The following ARHGAP26 variants were observed in gnomAD, a reference collection of about 807,000 sequenced individuals.
The protein encoded by ARHGAP26 is rho GTPase-activating protein 26.
ARHGAP26 carries 38 observed loss-of-function variants against 104.8 expected under a neutral mutation model. That is an observed-to-expected ratio of 0.36 (90% CI 0.28 to 0.48). ARHGAP26 has a LOEUF of 0.48. ARHGAP26 is among the 20% of genes least tolerant of loss of function. The pLI is 0.99. For missense variants in ARHGAP26, 704 were observed against 947.9 expected, an observed-to-expected ratio of 0.74 and a Z score of 3.38; for synonymous variants, 341 against 340.0, an observed-to-expected ratio of 1.00 and a Z score of -0.03.
rs548364563 is a variant in ARHGAP26 at position 143,085,541 on chromosome 5, G to T, written c.1538+27794G>T. Among the ~76,000 whole-genome samples the T allele has an allele frequency of 2.2e-4, 33 of 152,314 alleles. No individual in the cohort carries two copies. The South Asian group carries it at 6.4e-3, about 30-fold the overall frequency. The stretch of plus-strand genomic sequence containing the variant: ...AGGAGAACGCGACAGAGGCAATAAT[G>T]TAACTGCATATGATGATGAATTTTT... On this transcript the variant is annotated intron_variant, in intron 17 of 22. Coordinates refer to ENST00000645722, the MANE Select transcript of ARHGAP26 (RefSeq NM_001135608.3).
intron 17 of ARHGAP26, among the ~76,000 whole-genome samples, chr5:143,079,061 GT>G (rs1369474251): frequency 1.7e-4 from 26 of 152,214 alleles, no homozygotes; most frequent in African/African-American, 5.8e-4. Context: ...CTTATCATGT[GT>G]TTAACTTTTC....
intron 20 of ARHGAP26, among the ~76,000 whole-genome samples, chr5:143,159,019 A>G (rs539946252): frequency 1.3e-5 from 2 of 152,206 alleles, no homozygotes; most frequent in Non-Finnish European, 2.9e-5. Context: ...ATCACAAGAG[A>G]TAGTAGAGTA....
intron 11 of ARHGAP26, among the ~76,000 whole-genome samples, chr5:142,955,415 G>A (rs1288230401): frequency 6.6e-6 from 1 of 152,198 alleles, no homozygotes; most frequent in Non-Finnish European, 1.5e-5. Context: ...AATTCCTGGT[G>A]ATGTGCTGTG....
intron 6 of ARHGAP26, among the ~76,000 whole-genome samples, chr5:142,898,152 G>A (rs1383789204): frequency 7.6e-6 from 1 of 131,720 alleles, no homozygotes; most frequent in Non-Finnish European, 1.5e-5. Context: ...ATATATGTGT[G>A]TATATATATA....
intron 17 of ARHGAP26, among the ~76,000 whole-genome samples, chr5:143,081,095 G>A (rs528972679): frequency 6.6e-6 from 1 of 152,146 alleles, no homozygotes; most frequent in African/African-American, 2.4e-5. Flanking sequence ...TATTGTTGTG[G>A]TGGAGTGGGT....
chr5:142,878,536 T>C (rs1342113172), intron 3 of ARHGAP26, among the ~76,000 whole-genome samples: 1 of 124,990 alleles, frequency 8.0e-6, no homozygotes, highest in Non-Finnish European at 1.5e-5. Context: ...TGTGTGTGTG[T>C]GCACGCATGT....
intron 1 of ARHGAP26, among the ~76,000 whole-genome samples, chr5:142,774,073 A>G (rs1287332697): frequency 6.6e-6 from 1 of 152,222 alleles, no homozygotes; most frequent in Non-Finnish European, 1.5e-5. Flanking sequence ...AGAAAATCCT[A>G]ATGGAACAAA....
intron 11 of ARHGAP26, among the ~76,000 whole-genome samples, chr5:143,013,867 G>A (rs541897900): frequency 3.3e-5 from 5 of 152,136 alleles, no homozygotes; most frequent in African/African-American, 1.2e-4. Context: ...CAATAAAGTT[G>A]CACAGATGAT....
In ARHGAP26 at chr5:143,014,064, T is replaced by A. The variant is rs764573089; in HGVS notation, c.1108-16T>A. 1.9e-6 allele frequency: 3 copies of A among 1,613,990 alleles called. No homozygotes were observed. The South Asian group carries it at 3.3e-5, about 18-fold the overall frequency. On this transcript the variant is annotated splice_polypyrimidine_tract_variant and intron_variant, in intron 11 of 22. Transcript: ENST00000645722. ...CATAAAATGCACATAAGTGAATTTTTATTTTTATTTTCCAGGTCTACAACT... is the reference window on the plus strand; with the variant it reads ...CATAAAATGCACATAAGTGAATTTTAATTTTTATTTTCCAGGTCTACAACT...
intron 1 of ARHGAP26, among the ~76,000 whole-genome samples, chr5:142,836,098 A>G (rs560002554): frequency 6.6e-6 from 1 of 152,256 alleles, no homozygotes; most frequent in East Asian, 1.9e-4. Flanking sequence ...TGGTGTCTGG[A>G]TTCTTGGAGA....
At chr5:142,869,200 T>A (rs1359504422) in intron 1 of ARHGAP26, among the ~76,000 whole-genome samples, 1 of 133,704 alleles carries the variant, frequency 7.5e-6, no homozygotes, top group Admixed American at 7.3e-5. Context: ...TTTTTCTTTT[T>A]CTTTTTTCTT....
chr5:142,982,624 G>C (rs936005852), intron 11 of ARHGAP26, among the ~76,000 whole-genome samples: 1 of 152,190 alleles, frequency 6.6e-6, no homozygotes, highest in Non-Finnish European at 1.5e-5. Flanking sequence ...TTCCAGCCTC[G>C]CTATTTTATC....
intron 17 of ARHGAP26, among the ~76,000 whole-genome samples, chr5:143,090,448 C>G (rs946783427): frequency 6.6e-6 from 1 of 150,482 alleles, no homozygotes; most frequent in Non-Finnish European, 1.5e-5. Context: ...TCTACGATAG[C>G]TATCTCAGTC....
chr5:143,219,683 T>C (rs1426676011), intron 22 of ARHGAP26, among the ~76,000 whole-genome samples: 1 of 152,190 alleles, frequency 6.6e-6, no homozygotes, highest in East Asian at 1.9e-4. Flanking sequence ...TAAATGACAA[T>C]TTGCATTTTA....
chr5:143,161,587 A>C (rs1426824760), intron 20 of ARHGAP26, among the ~76,000 whole-genome samples: 2 of 152,182 alleles, frequency 1.3e-5, no homozygotes, highest in Non-Finnish European at 2.9e-5. Context: ...GATATACTAG[A>C]GTTACTCAAT....
At chr5:143,057,771 C>T (rs1786043946) in intron 17 of ARHGAP26, 24 bp downstream of exon 17, 1 of 1,583,472 alleles carries the variant, frequency 6.3e-7, no homozygotes, top group African/African-American at 1.3e-5. Context: ...CAATTACTAG[C>T]CTTTTTCTTA....
At chr5:143,029,872 AG>A (rs2152856851) in intron 12 of ARHGAP26, among the ~76,000 whole-genome samples, 1 of 152,276 alleles carries the variant, frequency 6.6e-6, no homozygotes, top group African/African-American at 2.4e-5. Flanking sequence ...TACCAGCTTT[AG>A]GGACAGTAAC....
chr5:142,971,598 T>A (rs1370411516), intron 11 of ARHGAP26, among the ~76,000 whole-genome samples: 9 of 152,190 alleles, frequency 5.9e-5, no homozygotes, highest in Non-Finnish European at 4.4e-5. Flanking sequence ...GATTTTTTTT[T>A]AGAAACGGAG....
At chr5:142,861,042 C>G (rs1753234035) in intron 1 of ARHGAP26, among the ~76,000 whole-genome samples, 1 of 152,162 alleles carries the variant, frequency 6.6e-6, no homozygotes, top group African/African-American at 2.4e-5. Flanking sequence ...TATCTTTGGC[C>G]TCTCTCATTC....
Sources: allele counts gnomAD v4.1 joint callset (sites outside exome capture counted in the v4.1 genomes callset), GRCh38; gene constraint gnomAD v4.1.1; transcripts MANE v1.5; gene names NCBI Gene and HGNC (gene_info 2026-07-23, HGNC 2026-07-21).